UBE2E2: variants seen among roughly 807,000 people sequenced by gnomAD.
UBE2E2 encodes ubiquitin conjugating enzyme E2 E2.
Under a neutral mutation model 24.7 loss-of-function variants are expected in UBE2E2, and 6 were observed. That is an observed-to-expected ratio of 0.24 (90% confidence interval 0.13 to 0.48). UBE2E2 has a LOEUF of 0.48. UBE2E2 is among the 20% of genes least tolerant of loss of function. The pLI is 0.99. For missense variants in UBE2E2, 169 were observed against 245.0 expected, an observed-to-expected ratio of 0.69 and a Z score of 2.07; for synonymous variants, 104 against 83.6, an observed-to-expected ratio of 1.24 and a Z score of -1.33.
At chr3:23,365,731 G>C (rs1696241738) in intron 3 of UBE2E2, among the ~76,000 whole-genome samples, 1 of 152,054 alleles carries the variant, frequency 6.6e-6, no homozygotes, top group South Asian at 2.1e-4. Flanking sequence ...TCAAACTACT[G>C]ATGACATTCT....
At chr3:23,266,437 T>C (rs1698051403) in intron 3 of UBE2E2, among the ~76,000 whole-genome samples, 1 of 152,138 alleles carries the variant, frequency 6.6e-6, no homozygotes, top group Non-Finnish European at 1.5e-5. Flanking sequence ...AAATTCTAGG[T>C]TGAAAATTCT....
At chr3:23,333,038 A>G (rs1352717432) in intron 3 of UBE2E2, among the ~76,000 whole-genome samples, 1 of 152,152 alleles carries the variant, frequency 6.6e-6, no homozygotes, top group Non-Finnish European at 1.5e-5. Context: ...TTGGTGATGT[A>G]TTACTCTCCC....
At chr3:23,416,140 A>G (rs928234821) in intron 3 of UBE2E2, among the ~76,000 whole-genome samples, 1 of 152,168 alleles carries the variant, frequency 6.6e-6, no homozygotes, top group African/African-American at 2.4e-5. Context: ...TATCCAGTCT[A>G]ACATTGATTG....
intron 3 of UBE2E2, among the ~76,000 whole-genome samples, chr3:23,374,744 T>C (rs907294911): frequency 1.1e-4 from 16 of 152,208 alleles, no homozygotes; most frequent in African/African-American, 3.6e-4. Context: ...TACTGCCTCT[T>C]ACCTTTAGGG....
rs912454680 is a variant in UBE2E2, at chr3:23,313,627, C to T, written c.227+96315C>T. 3.3e-5 allele frequency among the ~76,000 whole-genome samples: 5 copies of T among 152,172 alleles called. No individual in the cohort carries two copies. In the South Asian group the frequency reaches 6.2e-4, roughly 19 times the overall value. On this transcript the variant is annotated intron_variant, in intron 3 of 5. Coordinates refer to ENST00000396703, the MANE Select transcript of UBE2E2 (RefSeq NM_152653.4). ...CTCCATCTCTTGACCTTGTAATCCA[C>T]CCACCTCGGCCTCCCAAAGTGCTGG...
At chr3:23,341,150 C>T (rs888113987) in intron 3 of UBE2E2, among the ~76,000 whole-genome samples, 1 of 152,036 alleles carries the variant, frequency 6.6e-6, no homozygotes, top group Non-Finnish European at 1.5e-5. Flanking sequence ...TTTTTTTCAC[C>T]CAACTGCAGC....
rs1698159890 is a variant in UBE2E2, at chr3:23,435,580, G to A, written c.228-64028G>A. Among the ~76,000 whole-genome samples the A allele has an allele frequency of 2.0e-5, 3 of 152,218 alleles. 1 individual carries two copies. The highest frequency in any genetic ancestry group is 2.0e-4 in the Admixed American group (3 of 15,294). On this transcript the variant is annotated intron_variant, in intron 3 of 5. Coordinates refer to ENST00000396703, the MANE Select transcript of UBE2E2 (RefSeq NM_152653.4). ...TGTGCCTCAAGTGGGGTCACGTGGA[G>A]TTGCACTTGGGAACAGAGTAAACAA...
chr3:23,506,887 C>T (rs1025588212), intron 4 of UBE2E2, among the ~76,000 whole-genome samples: 14 of 152,172 alleles, frequency 9.2e-5, no homozygotes, highest in African/African-American at 3.1e-4. Flanking sequence ...TCCGCCTCAG[C>T]GTTTCAGAAG....
intron 5 of UBE2E2, among the ~76,000 whole-genome samples, chr3:23,569,431 C>T (rs1296515871): frequency 6.6e-6 from 1 of 152,152 alleles, no homozygotes; most frequent in African/African-American, 2.4e-5. Context: ...TGTGAATATA[C>T]TAAAAACCAT....
intron 3 of UBE2E2, among the ~76,000 whole-genome samples, chr3:23,399,453 A>T (rs935389786): frequency 3.3e-5 from 5 of 152,132 alleles, no homozygotes; most frequent in African/African-American, 1.2e-4. Flanking sequence ...TATGGGCTGG[A>T]GTAGGGTGGT....
chr3:23,552,934 C>A (rs544362601), intron 5 of UBE2E2, among the ~76,000 whole-genome samples: 37 of 152,004 alleles, frequency 2.4e-4, no homozygotes, highest in African/African-American at 8.9e-4. Flanking sequence ...GCAAAATGTA[C>A]GAATAGTATT....
In UBE2E2 at chr3:23,280,519, C is replaced by A. The variant is rs1698470036; in HGVS notation, c.227+63207C>A. Reference sequence around the variant, plus strand: ...TGTTCACATTTTGCCTTCTTTTTTCCCATCCGTGGCTGGCAGTTGACAGTG... The same window carrying A: ...TGTTCACATTTTGCCTTCTTTTTTCACATCCGTGGCTGGCAGTTGACAGTG... On this transcript the variant is annotated intron_variant, in intron 3 of 5. Coordinates refer to ENST00000396703, the MANE Select transcript of UBE2E2 (RefSeq NM_152653.4). The surrounding 1 kb of genome is among the most constrained non-coding windows in gnomAD (Gnocchi z 4.3). 6.6e-6 allele frequency among the ~76,000 whole-genome samples: 1 copy of A among 152,058 alleles called. No individual in the cohort carries two copies. The highest frequency in any genetic ancestry group is 2.1e-4 in the South Asian group (1 of 4,822).
intron 3 of UBE2E2, among the ~76,000 whole-genome samples, chr3:23,371,365 T>C (rs1269846128): frequency 2.0e-5 from 3 of 152,198 alleles, no homozygotes; most frequent in African/African-American, 7.2e-5. Flanking sequence ...TTTTGAGTTA[T>C]TAAATACCCA....
intron 3 of UBE2E2, among the ~76,000 whole-genome samples, chr3:23,240,703 T>C (rs1300265749): frequency 1.3e-5 from 2 of 152,232 alleles, no homozygotes; most frequent in Non-Finnish European, 2.9e-5. Flanking sequence ...GCCCTTTGTA[T>C]TGTTGAGCTG....
chr3:23,498,455 T>C (rs1379792795), intron 3 of UBE2E2, among the ~76,000 whole-genome samples: 2 of 152,214 alleles, frequency 1.3e-5, no homozygotes. Flanking sequence ...TGTCGAGTTT[T>C]GGTTTTAAAA....
At chr3:23,420,241 A>G (rs1469316182) in intron 3 of UBE2E2, among the ~76,000 whole-genome samples, 1 of 152,198 alleles carries the variant, frequency 6.6e-6, no homozygotes, top group Admixed American at 6.5e-5. Context: ...AGTGCATTGC[A>G]TATTGTAAGA....
At chr3:23,483,540 G>C (rs1261767791) in intron 3 of UBE2E2, among the ~76,000 whole-genome samples, 1 of 152,186 alleles carries the variant, frequency 6.6e-6, no homozygotes, top group Non-Finnish European at 1.5e-5. Context: ...TCAGTAAATG[G>C]TGAATATTCT....
rs530216048 is a variant in UBE2E2 at position 23,549,233 on chromosome 3, A to G, written c.508+16532A>G. 9.8e-5 allele frequency among the ~76,000 whole-genome samples: 15 copies of G among 152,370 alleles called. No homozygotes were observed. In the East Asian group the frequency reaches 2.9e-3, roughly 29 times the overall value. On this transcript the variant is annotated intron_variant, in intron 5 of 5. Coordinates refer to ENST00000396703, the MANE Select transcript of UBE2E2 (RefSeq NM_152653.4). ...GGATGGCAAGGTTTTAAATGAAAAC[A>G]CTGGAGTTGCTCCATAGCATGAGAT...
intron 3 of UBE2E2, among the ~76,000 whole-genome samples, chr3:23,468,024 C>T (rs1000003529): frequency 6.6e-6 from 1 of 152,200 alleles, no homozygotes; most frequent in Non-Finnish European, 1.5e-5. Context: ...TCCTCCAACA[C>T]TGAGGATTAC....
Sources: allele counts gnomAD v4.1 joint callset (sites outside exome capture counted in the v4.1 genomes callset), GRCh38; gene constraint gnomAD v4.1.1; non-coding constraint Gnocchi (gnomAD v3.1); transcripts MANE v1.5; gene names NCBI Gene and HGNC (gene_info 2026-07-23, HGNC 2026-07-21).